BLTP1: variants seen among roughly 807,000 people sequenced by gnomAD.
BLTP1 encodes the protein fragile site-associated protein.
chr4:122,357,734 A>C, the BLTP1 span, among the ~76,000 whole-genome samples: 1 of 152,220 alleles, frequency 6.6e-6, no homozygotes, highest in African/African-American at 2.4e-5. Flanking sequence ...CACCGTTATG[A>C]ATATACAATG....
the BLTP1 span, chr4:122,161,292 T>C: frequency 2.5e-5 from 5 of 200,108 alleles, no homozygotes; most frequent in Non-Finnish European, 4.5e-5. Context: ...CTATTTGGAA[T>C]TGGGTTGTTA....
At chr4:122,245,365 G>A in the BLTP1 span, among the ~76,000 whole-genome samples, 1 of 152,024 alleles carries the variant, frequency 6.6e-6, no homozygotes, top group African/African-American at 2.4e-5. Flanking sequence ...AGCTTTCTTT[G>A]TTTCTTTTAT....
chr4:122,175,934 G>A, the BLTP1 span: 1 of 1,132,360 alleles, frequency 8.8e-7, no homozygotes, highest in African/African-American at 1.5e-5. Flanking sequence ...CATTTTTTAT[G>A]TGTTTAAAAT....
the BLTP1 span, chr4:122,281,429 A>G: frequency 1.3e-5 from 18 of 1,400,588 alleles, no homozygotes; most frequent in East Asian, 4.2e-4. Context: ...GAAAACATCT[A>G]TTCACAGTAT....
At chr4:122,170,431 A>T in the BLTP1 span, 4 of 972,130 alleles carry the variant, frequency 4.1e-6, no homozygotes, top group Non-Finnish European at 4.9e-6. Context: ...AGTATGATCC[A>T]TTCTCTTACA....
At chr4:122,359,644 G>T in the BLTP1 span, 1 of 1,612,884 alleles carries the variant, frequency 6.2e-7, no homozygotes. Context: ...GATAAAGATA[G>T]AGAAGATAGC....
the BLTP1 span, chr4:122,190,055 A>G: frequency 6.2e-7 from 1 of 1,613,498 alleles, no homozygotes; most frequent in Non-Finnish European, 8.5e-7. Flanking sequence ...TGATGTTGAC[A>G]TCTACTACTA....
the BLTP1 span, chr4:122,261,227 T>G: frequency 2.3e-6 from 2 of 870,088 alleles, no homozygotes; most frequent in Non-Finnish European, 2.8e-6. Context: ...TTCCACAGTA[T>G]AGTTAGACGC....
At chr4:122,285,072 G>T in the BLTP1 span, among the ~76,000 whole-genome samples, 1 of 152,254 alleles carries the variant, frequency 6.6e-6, no homozygotes, top group East Asian at 1.9e-4. Context: ...AGATATTAGA[G>T]TCCAGGGCTG....
chr4:122,240,227 G>A, the BLTP1 span: 3 of 1,614,096 alleles, frequency 1.9e-6, no homozygotes, highest in Non-Finnish European at 2.5e-6. Context: ...TAATTAATTG[G>A]TCAGTTAAGC....
the BLTP1 span, chr4:122,266,588 A>G: frequency 6.4e-6 from 1 of 156,052 alleles, no homozygotes; most frequent in Non-Finnish European, 1.4e-5. Flanking sequence ...TGAGTGGCCT[A>G]TAATAGGTAC....
At chr4:122,271,131 C>T in the BLTP1 span, 1 of 1,613,924 alleles carries the variant, frequency 6.2e-7, no homozygotes, top group Non-Finnish European at 8.5e-7. Flanking sequence ...CAGAACTCTA[C>T]CAGTGCCCTT....
chr4:122,193,556 T>C, the BLTP1 span: 2 of 507,746 alleles, frequency 3.9e-6, no homozygotes, highest in Non-Finnish European at 5.1e-6. Flanking sequence ...AACATTTTTC[T>C]ACTTCTTGAA....
At chr4:122,235,448 G>A in the BLTP1 span, 9 of 970,540 alleles carry the variant, frequency 9.3e-6, no homozygotes, top group Non-Finnish European at 9.8e-6. Context: ...AATTATATTT[G>A]CAGAATAGTT....
At chr4:122,202,398 G>A in the BLTP1 span, 5 of 156,360 alleles carry the variant, frequency 3.2e-5, no homozygotes, top group African/African-American at 1.2e-4. Context: ...TAACTCTCAG[G>A]GATCAATATT....
At chr4:122,312,986 T>G in the BLTP1 span, 1 of 541,460 alleles carries the variant, frequency 1.8e-6, no homozygotes, top group Middle Eastern at 9.4e-4. Context: ...ACTTTTACTA[T>G]GTAAAATTGT....
chr4:122,292,687 A>G, the BLTP1 span: 40 of 655,300 alleles, frequency 6.1e-5, no homozygotes, highest in Non-Finnish European at 7.6e-5. Flanking sequence ...TATTAAGAAA[A>G]TGGAAATTGA....
At chr4:122,166,821 A>T in the BLTP1 span, among the ~76,000 whole-genome samples, 2 of 152,078 alleles carry the variant, frequency 1.3e-5, no homozygotes, top group East Asian at 3.9e-4. Context: ...TAAGTATTTT[A>T]TTCTCTTTGA....
chr4:122,211,797 G>GT, the BLTP1 span, among the ~76,000 whole-genome samples: 9 of 152,096 alleles, frequency 5.9e-5, no homozygotes, highest in African/African-American at 2.2e-4. Flanking sequence ...GAGTTCATCA[G>GT]TTTTTTGGAA....
Sources: allele counts gnomAD v4.1 joint callset (sites outside exome capture counted in the v4.1 genomes callset), GRCh38; gene constraint gnomAD v4.1.1; transcripts MANE v1.5; gene names NCBI Gene and HGNC (gene_info 2026-07-23, HGNC 2026-07-21).